The following EBAG9 variants were observed in gnomAD, a reference collection of about 807,000 sequenced individuals.
EBAG9 encodes estrogen receptor binding site associated antigen 9, also known as receptor-binding cancer antigen expressed on SiSo cells.
EBAG9 carries 16 observed loss-of-function variants against 30.9 expected under a neutral mutation model. That is an observed-to-expected ratio of 0.52 (90% CI 0.35 to 0.79). The LOEUF (loss-of-function observed/expected upper bound fraction) is 0.79, where lower values mean the gene tolerates loss of function less well. EBAG9 is among the 30% of genes least tolerant of loss of function. The pLI is 0.01. For missense variants in EBAG9, 197 were observed against 242.1 expected (o/e 0.81, Z 1.24); for synonymous variants, 93 against 82.8 (o/e 1.12, Z -0.67).
chr8:109,565,965 T>C lies in EBAG9; in HGVS notation c.*1406T>C, dbSNP rs1264662231. ...TTTCCAGTTATTATATTCATTAGAA[T>C]TTCTGCTAATAAACTCCCAACTTAA... On this transcript the variant is annotated 3_prime_UTR_variant, in exon 7 of 7. Transcript: ENST00000337573. 6.6e-6 allele frequency: 1 copy of C among 152,132 alleles called. No homozygotes were observed. The highest frequency in any genetic ancestry group is 1.5e-5 in the Non-Finnish European group (1 of 67,958). 9.4% of individuals were successfully genotyped at this position (152,132 alleles called of 1,614,324 possible).
intron 6 of EBAG9, among the ~76,000 whole-genome samples, chr8:109,561,816 A>AGCAGAGGGT (rs1821715755): frequency 6.6e-6 from 1 of 151,502 alleles, no homozygotes; most frequent in Admixed American, 6.6e-5. Context: ...GTGAACAACC[A>AGCAGAGGGT]GCAGAGGGTG....
intron 2 of EBAG9, among the ~76,000 whole-genome samples, chr8:109,551,921 A>T (rs1821502461): frequency 6.6e-6 from 1 of 152,204 alleles, no homozygotes; most frequent in African/African-American, 2.4e-5. Flanking sequence ...TACAATGGCT[A>T]CTAAGCAGTT....
intron 2 of EBAG9, 43 bp downstream of exon 2, chr8:109,550,950 C>T (rs1185980661): frequency 7.3e-7 from 1 of 1,373,140 alleles, no homozygotes; most frequent in Non-Finnish European, 1.0e-6. Flanking sequence ...TATCTCCTCG[C>T]TGGTTTTGGA....
At chr8:109,540,532 C>G (rs200446968) in intron 1 of EBAG9, 71 bp downstream of exon 1, 2 of 150,810 alleles carry the variant, frequency 1.3e-5, no homozygotes, top group East Asian at 3.9e-4. Context: ...TTATGAAACT[C>G]TTTCCTTTTG....
intron 1 of EBAG9, among the ~76,000 whole-genome samples, chr8:109,544,549 T>G (rs1821345540): frequency 6.6e-6 from 1 of 152,216 alleles, no homozygotes; most frequent in Non-Finnish European, 1.5e-5. Context: ...TGACGTATTC[T>G]CCAGCTGTTC....
chr8:109,543,242 A>T (rs540963034), intron 1 of EBAG9, among the ~76,000 whole-genome samples: 29 of 136,022 alleles, frequency 2.1e-4, no homozygotes, highest in Admixed American at 2.7e-4. Context: ...CTTTCAGCTT[A>T]TATGGAGAGA....
chr8:109,549,464 T>C (rs1158244411), intron 1 of EBAG9, among the ~76,000 whole-genome samples: 2 of 152,028 alleles, frequency 1.3e-5, no homozygotes, highest in East Asian at 3.8e-4. Flanking sequence ...ATTGGTATTA[T>C]TCCTTCCTAA....
At chr8:109,548,087 G>T (rs1276734656) in intron 1 of EBAG9, among the ~76,000 whole-genome samples, 1 of 149,816 alleles carries the variant, frequency 6.7e-6, no homozygotes, top group Non-Finnish European at 1.5e-5. Context: ...AAGTTGTGTT[G>T]TTTTTTTTTC....
At chr8:109,561,125 A>G (rs1821702545) in intron 6 of EBAG9, among the ~76,000 whole-genome samples, 196 bp downstream of exon 6, 1 of 151,744 alleles carries the variant, frequency 6.6e-6, no homozygotes. Flanking sequence ...AGAAACCAAG[A>G]ATTTTAAGCT....
At chr8:109,561,003 G>A in intron 6 of EBAG9, 74 bp downstream of exon 6, 1 of 1,318,642 alleles carries the variant, frequency 7.6e-7, no homozygotes, top group East Asian at 2.5e-5. Context: ...TCAAGTCAAG[G>A]GAGCCTATTT....
intron 6 of EBAG9, among the ~76,000 whole-genome samples, chr8:109,563,942 CT>C (rs59311899): frequency 0.013 from 1,971 of 152,094 alleles, 45 homozygotes; most frequent in African/African-American, 0.045. Context: ...TTTCCATTTT[CT>C]TTTTGGAGCG....
At chr8:109,544,145 G>C (rs949169992) in intron 1 of EBAG9, among the ~76,000 whole-genome samples, 1 of 151,724 alleles carries the variant, frequency 6.6e-6, no homozygotes, top group African/African-American at 2.4e-5. Flanking sequence ...CTCATGTAAG[G>C]TAATTAAAAA....
chr8:109,553,900 T>C lies in EBAG9; in HGVS notation c.119T>C (p.Ile40Thr), dbSNP rs758106672. 2.3e-5 allele frequency: 37 copies of C among 1,609,848 alleles called. No individual in the cohort carries two copies. Among genetic ancestry groups the C allele is most frequent in the Non-Finnish European group, 2.8e-5 (33 of 1,178,888 alleles). Residue 40 changes from isoleucine to threonine, a missense_variant, in exon 3 of 7, where the codon ATA becomes ACA. Transcript: ENST00000337573. ...GRGRKLSGDQ[I>T]TLPTTVDYSS... ...GGACGGAAATTAAGTGGAGACCAAA[T>C]AACTTTGCCAACTACAGTTGATTAT... is the stretch of plus-strand genomic sequence containing the variant.
At chr8:109,548,939 G>T (rs1586687963) in intron 1 of EBAG9, among the ~76,000 whole-genome samples, 1 of 130,552 alleles carries the variant, frequency 7.7e-6, no homozygotes, top group Non-Finnish European at 1.6e-5. Context: ...CCACTACGAT[G>T]TTGACTAAAA....
chr8:109,561,027 A>G (rs2131132450), intron 6 of EBAG9, 98 bp downstream of exon 6: 1 of 892,946 alleles, frequency 1.1e-6, no homozygotes, highest in South Asian at 2.0e-5. Flanking sequence ...CAAATATTAT[A>G]TTTTTCTTCA....
intron 1 of EBAG9, among the ~76,000 whole-genome samples, chr8:109,544,079 A>G (rs1821335514): frequency 6.6e-6 from 1 of 150,854 alleles, no homozygotes; most frequent in Non-Finnish European, 1.5e-5. Flanking sequence ...GGGATGGTGT[A>G]TTTATCCAGG....
chr8:109,555,629 G>A (rs1821583852), intron 4 of EBAG9, among the ~76,000 whole-genome samples: 1 of 152,122 alleles, frequency 6.6e-6, no homozygotes, highest in Non-Finnish European at 1.5e-5. Context: ...GATAGGTAGA[G>A]TTTATTGTTT....
chr8:109,556,524 A>G (rs1040626790), intron 4 of EBAG9, among the ~76,000 whole-genome samples: 10 of 152,110 alleles, frequency 6.6e-5, no homozygotes, highest in Admixed American at 2.0e-4. Flanking sequence ...GGCTACCAAC[A>G]TATCATATAA....
At chr8:109,557,166 G>A in intron 5 of EBAG9, 124 bp downstream of exon 5, 1 of 522,598 alleles carries the variant, frequency 1.9e-6, no homozygotes, top group Non-Finnish European at 3.2e-6. Flanking sequence ...AACAGGTTTA[G>A]CAGTTTGATA....
Sources: gnomAD v4.1 joint callset for allele counts (sites outside exome capture counted in the v4.1 genomes callset) on GRCh38, gnomAD v4.1.1 for gene constraint, MANE v1.5 for transcripts, NCBI Gene and HGNC (gene_info 2026-07-23, HGNC 2026-07-21) for gene names.